Variants in GLRA3 observed in about 807,000 individuals in gnomAD.
GLRA3 encodes the protein glycine receptor subunit alpha-3.
A neutral mutation model predicts 60.4 loss-of-function variants in GLRA3; 44 were observed. That is an observed-to-expected ratio of 0.73 (90% CI 0.57 to 0.94). The LOEUF is 0.94. Among genes scored for constraint, GLRA3 ranks in the 40% least tolerant of loss-of-function variants. GLRA3 has a pLI of 0.00. For missense variants in GLRA3, 508 were observed against 564.6 expected (o/e 0.90, Z 1.02); for synonymous variants, 223 against 192.9 (o/e 1.16, Z -1.29).
chr4:174,765,476 C>T (rs934515028), intron 3 of GLRA3, among the ~76,000 whole-genome samples: 4 of 151,858 alleles, frequency 2.6e-5, no homozygotes, highest in African/African-American at 9.7e-5. Flanking sequence ...AGTATATTTC[C>T]AGGTTTTTAG....
intron 4 of GLRA3, chr4:174,723,096 C>T (rs1338220125): frequency 6.0e-6 from 1 of 166,750 alleles, no homozygotes; most frequent in African/African-American, 2.4e-5. Flanking sequence ...GACAAAATTC[C>T]AGTTTTATTC....
intron 9 of GLRA3, among the ~76,000 whole-genome samples, chr4:174,653,223 A>T (rs1285626413): frequency 6.6e-6 from 1 of 152,036 alleles, no homozygotes; most frequent in Non-Finnish European, 1.5e-5. Flanking sequence ...GCAATGACTT[A>T]TTTTGTTGGG....
intron 3 of GLRA3, among the ~76,000 whole-genome samples, chr4:174,746,660 T>C (rs1407358585): frequency 6.6e-6 from 1 of 152,200 alleles, no homozygotes; most frequent in Non-Finnish European, 1.5e-5. Context: ...ACCAATATAG[T>C]TACCAGTTAC....
chr4:174,786,438 T>G (rs1463423486), intron 2 of GLRA3, among the ~76,000 whole-genome samples: 1 of 152,194 alleles, frequency 6.6e-6, no homozygotes, highest in Non-Finnish European at 1.5e-5. Flanking sequence ...CAAGGGCTGA[T>G]CATTCTCACC....
intron 1 of GLRA3, among the ~76,000 whole-genome samples, chr4:174,794,637 A>T (rs1251212406): frequency 6.6e-6 from 1 of 152,218 alleles, no homozygotes; most frequent in Non-Finnish European, 1.5e-5. Context: ...TATTGTTTAA[A>T]TATGACAAAC....
intron 2 of GLRA3, among the ~76,000 whole-genome samples, chr4:174,781,626 A>C (rs990761577): frequency 1.6e-4 from 24 of 151,472 alleles, no homozygotes; most frequent in Non-Finnish European, 2.9e-4. Flanking sequence ...AAAATGAGAA[A>C]GGGGATATCA....
intron 1 of GLRA3, among the ~76,000 whole-genome samples, chr4:174,801,603 C>G (rs370513903): frequency 6.6e-6 from 1 of 151,994 alleles, no homozygotes; most frequent in African/African-American, 2.4e-5. Context: ...CATATCATAT[C>G]CATCCTGTTG....
At chr4:174,657,721 A>G (rs1473078090) in intron 8 of GLRA3, among the ~76,000 whole-genome samples, 1 of 152,180 alleles carries the variant, frequency 6.6e-6, no homozygotes, top group East Asian at 1.9e-4. Flanking sequence ...GTAACAGACC[A>G]GTAGACCAGG....
At chr4:174,648,917 C>T (rs570148338) in intron 9 of GLRA3, among the ~76,000 whole-genome samples, 12 of 152,202 alleles carry the variant, frequency 7.9e-5, no homozygotes, top group African/African-American at 9.6e-5. Flanking sequence ...GCTGGGAGGA[C>T]GGAAATCTGT....
At chr4:174,707,031 T>C (rs1417329371) in intron 5 of GLRA3, among the ~76,000 whole-genome samples, 1 of 152,234 alleles carries the variant, frequency 6.6e-6, no homozygotes, top group Non-Finnish European at 1.5e-5. Context: ...TAAGGGATAC[T>C]ATAGTGTTCT....
At chr4:174,715,334 TATC>T (rs966345792) in intron 5 of GLRA3, among the ~76,000 whole-genome samples, 151 bp downstream of exon 5, 1 of 152,234 alleles carries the variant, frequency 6.6e-6, no homozygotes, top group Non-Finnish European at 1.5e-5. Flanking sequence ...TGTTGATAGG[TATC>T]ATTATTTTCA....
At chr4:174,752,779 AAT>A (rs1349095345) in intron 3 of GLRA3, among the ~76,000 whole-genome samples, 2 of 152,098 alleles carry the variant, frequency 1.3e-5, no homozygotes, top group African/African-American at 4.8e-5. Context: ...TCTTAATGTT[AAT>A]ATATGTTATA....
intron 9 of GLRA3, 48 bp from the exon 10 acceptor site, chr4:174,644,112 T>C (rs1170023288): frequency 9.5e-6 from 10 of 1,050,218 alleles, no homozygotes; most frequent in Non-Finnish European, 1.4e-5. Context: ...CAATAGAGCA[T>C]GTATAACAGG....
intron 1 of GLRA3, among the ~76,000 whole-genome samples, chr4:174,814,425 C>A (rs1476807666): frequency 6.6e-6 from 1 of 152,184 alleles, no homozygotes; most frequent in African/African-American, 2.4e-5. Flanking sequence ...AGTCAAGCTG[C>A]TTCTCTCTGA....
At chr4:174,800,931 C>T (rs1043252217) in intron 1 of GLRA3, among the ~76,000 whole-genome samples, 21 of 151,938 alleles carry the variant, frequency 1.4e-4, no homozygotes, top group Non-Finnish European at 2.9e-4. Context: ...TCTCTCAGTA[C>T]AGTTTTCAGT....
At chr4:174,793,402 A>G (rs977321103) in intron 1 of GLRA3, among the ~76,000 whole-genome samples, 2 of 151,282 alleles carry the variant, frequency 1.3e-5, no homozygotes, top group African/African-American at 4.9e-5. Context: ...TGTTTTCTTA[A>G]GTAATGTCAA....
Position 174,659,077 on chromosome 4 carries a change from A to G in GLRA3, c.1048T>C (p.Phe350Leu), listed in dbSNP as rs748637883. ...VSRQHKELLR[F>L]RRKRKNKTEA... ...ACCTTATTCTTTCTCTTTCGTCGAA[A>G]TCTCAGAAGTTCTTTGTGTTGTCTT... The change falls in exon 8 of 10, where the codon TTT becomes CTT. Residue 350 changes from phenylalanine to leucine, a missense_variant. Physicochemically the swap from Phe to Leu is conservative, Grantham distance 22. Coordinates refer to ENST00000274093, the MANE Select transcript of GLRA3 (RefSeq NM_006529.4). 5 of 1,613,042 alleles carry G rather than the reference A, an allele frequency of 3.1e-6. No individual in the cohort carries two copies. The South Asian group carries it at 4.4e-5, about 14-fold the overall frequency.
chr4:174,669,240 T>C (rs979700657), intron 7 of GLRA3, among the ~76,000 whole-genome samples: 1 of 152,110 alleles, frequency 6.6e-6, no homozygotes, highest in Non-Finnish European at 1.5e-5. Flanking sequence ...CAAAAGCATT[T>C]CAAACTTCAT....
intron 1 of GLRA3, among the ~76,000 whole-genome samples, chr4:174,817,646 TG>T (rs1371224866): frequency 2.6e-5 from 4 of 152,146 alleles, no homozygotes; most frequent in Non-Finnish European, 5.9e-5. Flanking sequence ...CTTGCTCTGT[TG>T]CCCAGGCTGG....
Sources: allele counts gnomAD v4.1 joint callset (sites outside exome capture counted in the v4.1 genomes callset), GRCh38; gene constraint gnomAD v4.1.1; transcripts MANE v1.5; gene names NCBI Gene and HGNC (gene_info 2026-07-23, HGNC 2026-07-21).